Variants in SLC9A3 observed in about 807,000 individuals in gnomAD.
SLC9A3 encodes the protein sodium/hydrogen exchanger 3.
SLC9A3 carries 37 observed loss-of-function variants against 86.8 expected under a neutral mutation model. The ratio of observed to expected loss-of-function variants is 0.43; its 90% confidence interval spans 0.33 to 0.56. SLC9A3 has a LOEUF of 0.56. Among genes scored for constraint, SLC9A3 ranks in the 20% least tolerant of loss-of-function variants. The probability of loss-of-function intolerance (pLI) is 0.06; values close to 1 mark genes in which losing one functional copy is unlikely to be tolerated. For missense variants in SLC9A3, 1,011 were observed against 1,171.9 expected (o/e 0.86, Z 2.00); for synonymous variants, 581 against 528.3 (o/e 1.10, Z -1.37).
chr5:488,748 G>A (rs1225293126), intron 2 of SLC9A3, among the ~76,000 whole-genome samples: 11 of 152,248 alleles, frequency 7.2e-5, no homozygotes, highest in Admixed American at 5.9e-4. Flanking sequence ...TTGGGTGAAC[G>A]GAGGCAGGTG....
chr5:498,311 G>T, intron 1 of SLC9A3, among the ~76,000 whole-genome samples: 1 of 152,262 alleles, frequency 6.6e-6, no homozygotes, highest in South Asian at 2.1e-4. Context: ...TGTGAGGTAC[G>T]GGCGGGACTC....
intron 1 of SLC9A3, among the ~76,000 whole-genome samples, chr5:511,195 G>T (rs546586354): frequency 1.3e-5 from 2 of 152,226 alleles, no homozygotes; most frequent in East Asian, 3.9e-4. Context: ...GCATTTAAGT[G>T]GACAAAAGAC....
intron 1 of SLC9A3, among the ~76,000 whole-genome samples, chr5:494,961 C>T: frequency 6.6e-6 from 1 of 152,162 alleles, no homozygotes; most frequent in East Asian, 1.9e-4. Flanking sequence ...GGTCACAAGA[C>T]CTGGGAGATG....
chr5:481,423 A>C, intron 9 of SLC9A3, 142 bp downstream of exon 9: 1 of 756,360 alleles, frequency 1.3e-6, no homozygotes, highest in Non-Finnish European at 2.3e-6. Context: ...CACACCTGGC[A>C]CCTGGCCTCA....
intron 6 of SLC9A3, 80 bp from the exon 7 acceptor site, chr5:482,830 TGGC>T (rs1487690554): frequency 2.1e-5 from 25 of 1,171,682 alleles, no homozygotes; most frequent in South Asian, 2.1e-4. Context: ...GACAGCGTCT[TGGC>T]GGCCAAGCAT....
intron 9 of SLC9A3, chr5:480,895 CTTTTT>C (rs890189261): frequency 6.6e-6 from 1 of 152,278 alleles, no homozygotes; most frequent in East Asian, 1.9e-4. Flanking sequence ...TGGACAAACT[CTTTTT>C]TTTATTTTGG....
chr5:504,618 G>C (rs1420176046), intron 1 of SLC9A3, among the ~76,000 whole-genome samples: 1 of 152,244 alleles, frequency 6.6e-6, no homozygotes, highest in Non-Finnish European at 1.5e-5. Flanking sequence ...AGCCCAGAGG[G>C]CTCGGGGTGG....
chr5:523,338 G>A (rs74739554), intron 1 of SLC9A3, among the ~76,000 whole-genome samples: 2,715 of 152,136 alleles, frequency 0.018, 78 homozygotes, highest in African/African-American at 0.062. Context: ...AGCTGCTCTG[G>A]AAACCTGCCG....
intron 1 of SLC9A3, among the ~76,000 whole-genome samples, chr5:511,280 T>C (rs1246637233): frequency 6.6e-6 from 1 of 152,178 alleles, no homozygotes; most frequent in Non-Finnish European, 1.5e-5. Flanking sequence ...TTGGGTTTGG[T>C]GATGAATTTT....
intron 1 of SLC9A3, among the ~76,000 whole-genome samples, chr5:504,103 T>C (rs1212219774): frequency 6.6e-6 from 1 of 151,898 alleles, no homozygotes; most frequent in Non-Finnish European, 1.5e-5. Flanking sequence ...TTTTTGCCTT[T>C]GGTTTATCAA....
chr5:502,701 T>C (rs941260075), intron 1 of SLC9A3, among the ~76,000 whole-genome samples: 1 of 152,206 alleles, frequency 6.6e-6, no homozygotes, highest in African/African-American at 2.4e-5. Flanking sequence ...GGAACAGGGC[T>C]TGGCACATTT....
chr5:475,949 C>G (rs1738698971), intron 14 of SLC9A3, 71 bp downstream of exon 14: 1 of 1,352,674 alleles, frequency 7.4e-7, no homozygotes, highest in African/African-American at 1.5e-5. Context: ...GGGAGGTTCC[C>G]GAGCCGGGAG....
At chr5:501,823 C>T (rs1021970414) in intron 1 of SLC9A3, among the ~76,000 whole-genome samples, 7 of 152,220 alleles carry the variant, frequency 4.6e-5, no homozygotes, top group Admixed American at 1.3e-4. Context: ...GCCTGGCAGA[C>T]GTGCCTGCGT....
chr5:492,904 G>GCC (rs1739854720), intron 1 of SLC9A3, among the ~76,000 whole-genome samples: 1 of 151,896 alleles, frequency 6.6e-6, no homozygotes, highest in Admixed American at 6.5e-5. Flanking sequence ...TGGGTGGGGT[G>GCC]TTCTAGGAAG....
Position 497,310 on chromosome 5 carries a change from G to A in SLC9A3, c.212-5239C>T, listed in dbSNP as rs1053050830. On this transcript the variant is annotated intron_variant, in intron 1 of 16. Transcript: ENST00000264938. The surrounding 1 kb of genome is among the most constrained non-coding windows in gnomAD (Gnocchi z 5.4). ...TGCACTGGCCGAATTCCCTCCAGGT[G>A]CAGGAGTCGACGCCCCCCACTGCCC... Among the ~76,000 whole-genome samples the A allele has an allele frequency of 3.3e-5, 5 of 152,168 alleles. No homozygotes were observed. The highest frequency in any genetic ancestry group is 9.7e-5 in the African/African-American group (4 of 41,440).
chr5:507,030 T>C (rs1740612954), intron 1 of SLC9A3, among the ~76,000 whole-genome samples: 1 of 150,026 alleles, frequency 6.7e-6, no homozygotes, highest in South Asian at 2.1e-4. Flanking sequence ...GAGATCGAGA[T>C]TGGGCCACTG....
chr5:486,797 C>T (rs1049945527), intron 3 of SLC9A3, among the ~76,000 whole-genome samples: 11 of 152,154 alleles, frequency 7.2e-5, no homozygotes, highest in Non-Finnish European at 1.3e-4. Flanking sequence ...CGTGAGGACA[C>T]GGGAAGGCAC....
chr5:501,751 T>A (rs1310546638), intron 1 of SLC9A3, among the ~76,000 whole-genome samples: 1 of 152,210 alleles, frequency 6.6e-6, no homozygotes, highest in Non-Finnish European at 1.5e-5. Flanking sequence ...GGAATCACGG[T>A]AAATGTGTCG....
intron 1 of SLC9A3, among the ~76,000 whole-genome samples, chr5:511,012 C>T (rs907535598): frequency 2.0e-5 from 3 of 152,298 alleles, no homozygotes; most frequent in East Asian, 1.9e-4. Flanking sequence ...CCTCCCATCA[C>T]GACTCCCTCC....
Sources: allele counts gnomAD v4.1 joint callset (sites outside exome capture counted in the v4.1 genomes callset), GRCh38; gene constraint gnomAD v4.1.1; non-coding constraint Gnocchi (gnomAD v3.1); transcripts MANE v1.5; gene names NCBI Gene and HGNC (gene_info 2026-07-23, HGNC 2026-07-21).